RGS7: variants seen among roughly 807,000 people sequenced by gnomAD.
The protein encoded by RGS7 is regulator of G protein signaling 7, also known as regulator of G-protein signaling 7.
In RGS7, 27 loss-of-function variants were observed where a neutral mutation model predicts 81.1. The observed-to-expected ratio is 0.33, with a 90% confidence interval of 0.25 to 0.46. RGS7 has a LOEUF of 0.46. Among genes scored for constraint, RGS7 ranks in the 20% least tolerant of loss-of-function variants. The pLI is 1.00. For missense variants in RGS7, 396 were observed against 607.4 expected, an observed-to-expected ratio of 0.65 and a Z score of 3.66; for synonymous variants, 208 against 207.7, an observed-to-expected ratio of 1.00 and a Z score of -0.01.
At chr1:241,084,359 A>G (rs1346926119) in intron 3 of RGS7, among the ~76,000 whole-genome samples, 1 of 152,204 alleles carries the variant, frequency 6.6e-6, no homozygotes, top group East Asian at 1.9e-4. Context: ...AACTGGTCAC[A>G]CTGTTAGAGG....
chr1:240,952,668 A>G (rs1464379707), intron 4 of RGS7, among the ~76,000 whole-genome samples: 1 of 152,012 alleles, frequency 6.6e-6, no homozygotes, highest in Non-Finnish European at 1.5e-5. Flanking sequence ...AAATACATAC[A>G]AATATGTAAG....
At chr1:240,978,265 A>G (rs1684436660) in intron 4 of RGS7, among the ~76,000 whole-genome samples, 2 of 152,202 alleles carry the variant, frequency 1.3e-5, no homozygotes, top group Non-Finnish European at 2.9e-5. Flanking sequence ...AAACAAATTC[A>G]CAAATATTTC....
intron 2 of RGS7, among the ~76,000 whole-genome samples, chr1:241,175,777 G>C (rs1346529303): frequency 6.6e-6 from 1 of 152,146 alleles, no homozygotes; most frequent in African/African-American, 2.4e-5. Context: ...GATGGGAGCA[G>C]CAATAGTTGG....
chr1:241,307,235 GCTCT>G (rs931855553), intron 2 of RGS7, among the ~76,000 whole-genome samples: 4 of 152,106 alleles, frequency 2.6e-5, no homozygotes, highest in Non-Finnish European at 5.9e-5. Flanking sequence ...CCCTGAAAAT[GCTCT>G]CTTTCTACTC....
intron 2 of RGS7, among the ~76,000 whole-genome samples, chr1:241,205,179 C>A (rs139068428): frequency 0.01 from 1,515 of 149,550 alleles, 14 homozygotes; most frequent in African/African-American, 0.019. Flanking sequence ...TGGGTTCAAG[C>A]GATTCTCCTG....
chr1:241,342,734 G>A (rs761568222), intron 2 of RGS7, among the ~76,000 whole-genome samples: 11 of 152,172 alleles, frequency 7.2e-5, no homozygotes, highest in South Asian at 2.1e-4. Flanking sequence ...TAGATTGTCC[G>A]AAGAATATAT....
intron 4 of RGS7, among the ~76,000 whole-genome samples, chr1:240,947,627 C>A (rs1678858921): frequency 6.6e-6 from 1 of 152,196 alleles, no homozygotes; most frequent in South Asian, 2.1e-4. Context: ...ACCACCTCCA[C>A]CACCCCAGTC....
In RGS7 at chr1:240,775,894, A is replaced by G. The variant is rs1682862384; in HGVS notation, c.*326T>C. On this transcript the variant is annotated 3_prime_UTR_variant, in exon 19 of 19. Coordinates refer to ENST00000440928, the MANE Select transcript of RGS7 (RefSeq NM_001364886.1). ...GAGAGAGAGAGAAAGAAGGAAAAAA[A>G]GAAAAGGTTTTACTTCACTTGAACT... 1 of 428,814 alleles carries G rather than the reference A, an allele frequency of 2.3e-6. No homozygotes were observed. Among genetic ancestry groups the G allele is most frequent in the African/African-American group, 2.0e-5 (1 of 50,498 alleles). The allele number at this position is 428,814 out of a possible 1,614,324, so 26.6% of individuals were successfully genotyped here. A position where few individuals can be genotyped will look rare whatever the true frequency, so the allele number is the denominator to read the frequency against.
chr1:241,060,716 T>G (rs1012540271), intron 3 of RGS7, among the ~76,000 whole-genome samples: 4 of 152,182 alleles, frequency 2.6e-5, no homozygotes, highest in African/African-American at 9.7e-5. Context: ...CTGTGTCACT[T>G]AGCAGTATGA....
Position 240,786,298 on chromosome 1 carries a change from G to A in RGS7, c.*7-10085C>T, listed in dbSNP as rs1685060039. ...TGTTTAAAATTTTTTTTACAAAACT[G>A]AAATTATACTGTGCATGGTACTATG... On this transcript the variant is annotated intron_variant, in intron 18 of 18. Coordinates refer to ENST00000440928, the MANE Select transcript of RGS7 (RefSeq NM_001364886.1). 4.6e-5 allele frequency among the ~76,000 whole-genome samples: 7 copies of A among 151,978 alleles called. No homozygotes were observed. The South Asian group carries it at 1.5e-3, about 32-fold the overall frequency.
intron 2 of RGS7, among the ~76,000 whole-genome samples, chr1:241,221,006 A>AGAGAGG (rs1553289481): frequency 2.4e-4 from 20 of 84,642 alleles, no homozygotes; most frequent in African/African-American, 7.2e-4. Flanking sequence ...AGAGAGAGAG[A>AGAGAGG]AAGGAAGGAA....
chr1:241,124,648 G>T (rs1165318376), intron 2 of RGS7, among the ~76,000 whole-genome samples: 1 of 152,180 alleles, frequency 6.6e-6, no homozygotes, highest in African/African-American at 2.4e-5. Context: ...ACCATTCTGG[G>T]CTTCCTGCAG....
At chr1:240,833,853 T>C (rs1389256594) in intron 9 of RGS7, among the ~76,000 whole-genome samples, 1 of 152,060 alleles carries the variant, frequency 6.6e-6, no homozygotes. Context: ...CAATCACAGC[T>C]CACTATAGCC....
chr1:241,105,661 G>A (rs1448524528), intron 2 of RGS7, among the ~76,000 whole-genome samples: 1 of 152,144 alleles, frequency 6.6e-6, no homozygotes, highest in Non-Finnish European at 1.5e-5. Context: ...AGCTATATTT[G>A]CCGGAACTTT....
At chr1:240,983,850 T>C (rs576018068) in intron 3 of RGS7, among the ~76,000 whole-genome samples, 2 of 152,298 alleles carry the variant, frequency 1.3e-5, no homozygotes, top group East Asian at 1.9e-4. Flanking sequence ...CTTTGATTAT[T>C]TGGAGCATAG....
At chr1:241,285,808 T>C (rs1287106868) in intron 2 of RGS7, among the ~76,000 whole-genome samples, 2 of 152,196 alleles carry the variant, frequency 1.3e-5, no homozygotes, top group African/African-American at 4.8e-5. Flanking sequence ...TAGTTGAGAG[T>C]GCCCTCTGTG....
chr1:241,190,116 A>T (rs1355686731), intron 2 of RGS7, among the ~76,000 whole-genome samples: 1 of 151,854 alleles, frequency 6.6e-6, no homozygotes, highest in African/African-American at 2.4e-5. Flanking sequence ...AAAAAAATCA[A>T]CTGGTCCTAT....
At chr1:241,226,750 A>T (rs2075331624) in intron 2 of RGS7, among the ~76,000 whole-genome samples, 1 of 152,190 alleles carries the variant, frequency 6.6e-6, no homozygotes, top group South Asian at 2.1e-4. Flanking sequence ...AACTGACAAA[A>T]GGAAGCCATT....
intron 18 of RGS7, among the ~76,000 whole-genome samples, chr1:240,782,968 T>C (rs1222719982): frequency 1.3e-5 from 2 of 152,114 alleles, no homozygotes; most frequent in Non-Finnish European, 1.5e-5. Flanking sequence ...ACTCAGAACA[T>C]AACAAAAACT....
Sources: gnomAD v4.1 joint callset for allele counts (sites outside exome capture counted in the v4.1 genomes callset) on GRCh38, gnomAD v4.1.1 for gene constraint, MANE v1.5 for transcripts, NCBI Gene and HGNC (gene_info 2026-07-23, HGNC 2026-07-21) for gene names.